CDH13: variants seen among roughly 807,000 people sequenced by gnomAD.
CDH13 encodes the protein cadherin 13, also known as cadherin-13.
Under a neutral mutation model 63.8 loss-of-function variants are expected in CDH13, and 24 were observed. The ratio of observed to expected loss-of-function variants is 0.38; its 90% CI spans 0.27 to 0.53. The LOEUF is 0.53. Among genes scored for constraint, CDH13 ranks in the 20% least tolerant of loss-of-function variants. CDH13 has a pLI of 0.85. For missense variants in CDH13, 1,049 were observed against 903.1 expected (o/e 1.16, Z -2.07); for synonymous variants, 503 against 355.3 (o/e 1.42, Z -4.67).
At chr16:82,831,656 CT>C in intron 1 of CDH13, among the ~76,000 whole-genome samples, 1 of 152,332 alleles carries the variant, frequency 6.6e-6, no homozygotes, top group South Asian at 2.1e-4. Flanking sequence ...GGTCATTTCA[CT>C]TATGAGACAG....
chr16:82,730,370 C>T (rs146521691), intron 1 of CDH13, among the ~76,000 whole-genome samples: 83 of 152,224 alleles, frequency 5.5e-4, no homozygotes, highest in African/African-American at 1.8e-3. Context: ...GGCCAAATTT[C>T]ATTATTATGT....
chr16:83,505,700 C>T (rs550116545), intron 7 of CDH13, among the ~76,000 whole-genome samples: 2 of 151,998 alleles, frequency 1.3e-5, no homozygotes, highest in East Asian at 1.9e-4. Context: ...TGCGCCTCCA[C>T]GCCCGGCTAA....
At chr16:83,724,678 C>T (rs548786662) in intron 10 of CDH13, among the ~76,000 whole-genome samples, 1 of 152,180 alleles carries the variant, frequency 6.6e-6, no homozygotes, top group African/African-American at 2.4e-5. Context: ...CTGAAGGAGC[C>T]TATCTCCTAA....
At chr16:83,371,705 TC>T (rs2091370187) in intron 6 of CDH13, among the ~76,000 whole-genome samples, 1 of 152,182 alleles carries the variant, frequency 6.6e-6, no homozygotes, top group Non-Finnish European at 1.5e-5. Flanking sequence ...TACATATGAA[TC>T]ACTGAAATAC....
At chr16:83,788,889 T>G (rs1916068054) in intron 13 of CDH13, among the ~76,000 whole-genome samples, 1 of 151,486 alleles carries the variant, frequency 6.6e-6, no homozygotes, top group Non-Finnish European at 1.5e-5. Context: ...CAGTTGACAC[T>G]CCAATGGTTT....
intron 7 of CDH13, among the ~76,000 whole-genome samples, chr16:83,488,213 C>T (rs1430656378): frequency 6.6e-6 from 1 of 152,152 alleles, no homozygotes; most frequent in African/African-American, 2.4e-5. Context: ...ACAGTGCAGA[C>T]CTAGAACACT....
At chr16:83,656,421 T>C (rs1218038979) in intron 8 of CDH13, among the ~76,000 whole-genome samples, 1 of 152,160 alleles carries the variant, frequency 6.6e-6, no homozygotes, top group Non-Finnish European at 1.5e-5. Flanking sequence ...AGATGCTGGC[T>C]GTGACTTGGC....
intron 7 of CDH13, among the ~76,000 whole-genome samples, chr16:83,597,844 A>G (rs1316532702): frequency 1.3e-5 from 2 of 152,244 alleles, no homozygotes; most frequent in Non-Finnish European, 2.9e-5. Flanking sequence ...TACGAGAGTT[A>G]TGCCAATGTA....
intron 11 of CDH13, among the ~76,000 whole-genome samples, chr16:83,776,614 A>G (rs1915130520): frequency 6.6e-6 from 1 of 152,070 alleles, no homozygotes; most frequent in Non-Finnish European, 1.5e-5. Context: ...TTCATGACTC[A>G]CTGCTCAGCT....
intron 1 of CDH13, among the ~76,000 whole-genome samples, chr16:82,670,575 G>A (rs1913122802): frequency 6.6e-6 from 1 of 152,176 alleles, no homozygotes; most frequent in African/African-American, 2.4e-5. Flanking sequence ...GGACTATTGG[G>A]TAGAAGGACA....
At chr16:83,358,377 G>T (rs1012437047) in intron 6 of CDH13, among the ~76,000 whole-genome samples, 2 of 152,092 alleles carry the variant, frequency 1.3e-5, no homozygotes, top group Admixed American at 6.6e-5. Context: ...TCTGTGACAC[G>T]GCCTCAAGGG....
intron 10 of CDH13, among the ~76,000 whole-genome samples, chr16:83,708,932 G>T (rs1189755963): frequency 1.3e-5 from 2 of 152,144 alleles, no homozygotes; most frequent in Non-Finnish European, 1.5e-5. Context: ...GCTGAGGCAG[G>T]AAAATGGTTT....
At chr16:82,888,041 T>C (rs2040950930) in intron 2 of CDH13, among the ~76,000 whole-genome samples, 1 of 152,202 alleles carries the variant, frequency 6.6e-6, no homozygotes, top group Non-Finnish European at 1.5e-5. Flanking sequence ...ATGTCAGGTA[T>C]TTACTTGCTC....
intron 1 of CDH13, among the ~76,000 whole-genome samples, chr16:82,784,916 G>C (rs752625792): frequency 3.3e-5 from 5 of 152,168 alleles, no homozygotes; most frequent in Non-Finnish European, 5.9e-5. Flanking sequence ...ACATTGAAGA[G>C]GCCAGAGAGC....
intron 6 of CDH13, among the ~76,000 whole-genome samples, chr16:83,387,381 T>A (rs551808851): frequency 5.1e-4 from 77 of 152,320 alleles, no homozygotes; most frequent in African/African-American, 1.9e-3. Context: ...TTTACTATTT[T>A]CCAAGTCACT....
chr16:82,940,020 G>A (rs2042784346), intron 2 of CDH13, among the ~76,000 whole-genome samples: 1 of 152,042 alleles, frequency 6.6e-6, no homozygotes, highest in Admixed American at 6.5e-5. Flanking sequence ...CAAATGAAAG[G>A]GGTTTCCCCT....
intron 1 of CDH13, among the ~76,000 whole-genome samples, chr16:82,774,488 C>G (rs1597533746): frequency 6.6e-6 from 1 of 152,290 alleles, no homozygotes; most frequent in East Asian, 1.9e-4. Flanking sequence ...GTGTCAGGGT[C>G]TACCACTGTG....
chr16:83,395,066 T>G, intron 6 of CDH13, among the ~76,000 whole-genome samples: 1 of 149,136 alleles, frequency 6.7e-6, no homozygotes, highest in Admixed American at 6.8e-5. Context: ...GAGAATTGCC[T>G]GAACCCAGGA....
intron 9 of CDH13, among the ~76,000 whole-genome samples, chr16:83,672,265 C>G (rs1427932845): frequency 6.6e-6 from 1 of 152,142 alleles, no homozygotes; most frequent in Non-Finnish European, 1.5e-5. Context: ...ACATCCATTT[C>G]TCACAGTTCT....
Sources: gnomAD v4.1 joint callset for allele counts (sites outside exome capture counted in the v4.1 genomes callset) on GRCh38, gnomAD v4.1.1 for gene constraint, MANE v1.5 for transcripts, NCBI Gene and HGNC (gene_info 2026-07-23, HGNC 2026-07-21) for gene names.